FOXK1: variants seen among roughly 807,000 people sequenced by gnomAD.
FOXK1 encodes the protein forkhead box protein K1.
In FOXK1, 19 loss-of-function variants were observed where a neutral mutation model predicts 51.9. The observed-to-expected ratio is 0.37, with a 90% CI of 0.26 to 0.54. The LOEUF (loss-of-function observed/expected upper bound fraction) is 0.54, where lower values mean the gene tolerates loss of function less well. Ranked by LOEUF, FOXK1 falls within the 20% of genes least tolerant of loss-of-function variation. FOXK1 has a pLI of 0.87. For missense variants in FOXK1, 870 were observed against 1,032.7 expected, an observed-to-expected ratio of 0.84 and a Z score of 2.16; for synonymous variants, 537 against 482.6, an observed-to-expected ratio of 1.11 and a Z score of -1.48.
At chr7:4,702,893 T>G (rs1326948219) in intron 1 of FOXK1, among the ~76,000 whole-genome samples, 1 of 152,158 alleles carries the variant, frequency 6.6e-6, no homozygotes, top group African/African-American at 2.4e-5. Flanking sequence ...CTTGTGTCCC[T>G]CTGGGTGACA....
chr7:4,739,833 C>T (rs577739992), intron 1 of FOXK1, among the ~76,000 whole-genome samples: 18 of 152,314 alleles, frequency 1.2e-4, no homozygotes, highest in African/African-American at 4.3e-4. Flanking sequence ...CGTGCTATTT[C>T]AGTCTTCCAG....
chr7:4,751,155 C>T (rs1442887983), intron 2 of FOXK1, among the ~76,000 whole-genome samples: 1 of 151,634 alleles, frequency 6.6e-6, no homozygotes, highest in Non-Finnish European at 1.5e-5. Flanking sequence ...GCTGGTACTA[C>T]AGGCACCTGC....
At chr7:4,759,635 G>T (rs1007087610) in intron 7 of FOXK1, 40 bp downstream of exon 7, 57 of 1,510,046 alleles carry the variant, frequency 3.8e-5, no homozygotes, top group Non-Finnish European at 4.9e-5. Context: ...AGGACCCTTT[G>T]TGGTGGTCCC....
In FOXK1 at chr7:4,753,891, C is replaced by T. The variant is rs1417048667; in HGVS notation, c.747-568C>T. ...GGGGATGAGGGCAGGGGCATCTCAG[C>T]GGCTCAGGGCAAAACTGCAGGGGTC... On this transcript the variant is annotated intron_variant, in intron 2 of 8. Transcript: ENST00000328914. The surrounding 1 kb of genome is among the most constrained non-coding windows in gnomAD (Gnocchi z 4.9). Among the ~76,000 whole-genome samples, 1 of 152,160 alleles carries T rather than the reference C, an allele frequency of 6.6e-6. No individual in the cohort carries two copies. Among genetic ancestry groups the T allele is most frequent in the Admixed American group, 6.5e-5 (1 of 15,278 alleles).
At chr7:4,687,379 G>A (rs1413837153) in intron 1 of FOXK1, among the ~76,000 whole-genome samples, 3 of 151,676 alleles carry the variant, frequency 2.0e-5, no homozygotes, top group South Asian at 2.1e-4. Flanking sequence ...TGAAACCTCC[G>A]CCTCCCAGGT....
In FOXK1 at chr7:4,764,722, C is replaced by T. The variant is rs977096361; in HGVS notation, c.*2258C>T. On this transcript the variant is annotated 3_prime_UTR_variant, in exon 9 of 9. Coordinates refer to ENST00000328914, the MANE Select transcript of FOXK1 (RefSeq NM_001037165.2). ...GTCCTCAGGGCTGCCTGTGGCCACCCTGATGGGAGACCTCTGTTTGCTTCT... is the reference window on the plus strand; with the variant it reads ...GTCCTCAGGGCTGCCTGTGGCCACCTTGATGGGAGACCTCTGTTTGCTTCT... The T allele has an allele frequency of 6.6e-6, 1 of 152,292 alleles. No individual in the cohort carries two copies. Among genetic ancestry groups the T allele is most frequent in the Non-Finnish European group, 1.5e-5 (1 of 68,112 alleles). 9.4% of individuals were successfully genotyped at this position (152,292 alleles called of 1,614,324 possible).
At chr7:4,697,347 C>T (rs928219950) in intron 1 of FOXK1, among the ~76,000 whole-genome samples, 7 of 152,228 alleles carry the variant, frequency 4.6e-5, no homozygotes, top group Non-Finnish European at 8.8e-5. Flanking sequence ...CCGGTATTCA[C>T]GGCCAACTTT....
rs1781083906 is a variant in FOXK1 at position 4,770,547 on chromosome 7, T to G, written c.*8083T>G. 6.6e-6 allele frequency: 1 copy of G among 151,634 alleles called. No individual in the cohort carries two copies. The highest frequency in any genetic ancestry group is 1.5e-5 in the Non-Finnish European group (1 of 67,990). The allele number at this position is 151,634 out of a possible 1,614,324, so 9.4% of individuals were successfully genotyped here. A position where few individuals can be genotyped will look rare whatever the true frequency, so the allele number is the denominator to read the frequency against. ...CTCTGTCTCAAAAATAATAATCAAA[T>G]CAAGTATTTTAAGTTTGGCTCTTCT... On this transcript the variant is annotated 3_prime_UTR_variant, in exon 9 of 9. Coordinates refer to ENST00000328914, the MANE Select transcript of FOXK1 (RefSeq NM_001037165.2).
chr7:4,736,738 G>A (rs1780557642), intron 1 of FOXK1, among the ~76,000 whole-genome samples: 1 of 152,216 alleles, frequency 6.6e-6, no homozygotes, highest in Non-Finnish European at 1.5e-5. Flanking sequence ...GAACTGGAAA[G>A]CACCTTTGAG....
chr7:4,698,332 C>G (rs1327410207), intron 1 of FOXK1, among the ~76,000 whole-genome samples: 1 of 149,214 alleles, frequency 6.7e-6, no homozygotes, highest in Non-Finnish European at 1.5e-5. Flanking sequence ...ATATATATAT[C>G]GTGCCCTTTT....
intron 1 of FOXK1, among the ~76,000 whole-genome samples, chr7:4,736,020 G>C (rs1057014405): frequency 6.6e-6 from 1 of 152,080 alleles, no homozygotes; most frequent in African/African-American, 2.4e-5. Context: ...TCTGTGGCGC[G>C]TGCCTGTAAT....
At chr7:4,701,155 C>G (rs1000997356) in intron 1 of FOXK1, among the ~76,000 whole-genome samples, 3 of 152,328 alleles carry the variant, frequency 2.0e-5, no homozygotes, top group African/African-American at 4.8e-5. Flanking sequence ...TCCAAGCTCC[C>G]TGCGGCTGTG....
chr7:4,753,533 G>A lies in FOXK1; in HGVS notation c.747-926G>A, dbSNP rs1429537184. Among the ~76,000 whole-genome samples the A allele has an allele frequency of 6.6e-6, 1 of 152,172 alleles. No individual in the cohort carries two copies. Among genetic ancestry groups the A allele is most frequent in the Non-Finnish European group, 1.5e-5 (1 of 68,024 alleles). On this transcript the variant is annotated intron_variant, in intron 2 of 8. Transcript: ENST00000328914. The surrounding 1 kb of genome is among the most constrained non-coding windows in gnomAD (Gnocchi z 4.9). ...GGGGGGATGTCAGCATCACAGGTGG[G>A]CAGGGTCCATCTCAGGACGGGGCTA...
Position 4,735,507 on chromosome 7 carries a change from C to T in FOXK1, c.561-5331C>T, listed in dbSNP as rs973863230. Reference sequence around the variant, plus strand: ...CCCCTAGCTCTTAGTCATTCTCCGTCCCCCCTGCCTGTCCCACCCGTCACT... The same window carrying T: ...CCCCTAGCTCTTAGTCATTCTCCGTTCCCCCTGCCTGTCCCACCCGTCACT... On this transcript the variant is annotated intron_variant, in intron 1 of 8. Coordinates refer to ENST00000328914, the MANE Select transcript of FOXK1 (RefSeq NM_001037165.2). This position sits in a 1 kb window ranked among gnomAD's most constrained non-coding sequence, Gnocchi z 4.7. Among the ~76,000 whole-genome samples the T allele has an allele frequency of 2.6e-5, 4 of 152,176 alleles. No homozygotes were observed. Among genetic ancestry groups the T allele is most frequent in the African/African-American group, 4.8e-5 (2 of 41,442 alleles).
rs561335400 is a variant in FOXK1, at chr7:4,734,708, G to A, written c.561-6130G>A. Among the ~76,000 whole-genome samples the A allele has an allele frequency of 1.3e-5, 2 of 152,126 alleles. No individual in the cohort carries two copies. Among genetic ancestry groups the A allele is most frequent in the Non-Finnish European group, 1.5e-5 (1 of 68,022 alleles). On this transcript the variant is annotated intron_variant, in intron 1 of 8. Coordinates refer to ENST00000328914, the MANE Select transcript of FOXK1 (RefSeq NM_001037165.2). This position sits in a 1 kb window ranked among gnomAD's most constrained non-coding sequence, Gnocchi z 5.2. The stretch of plus-strand genomic sequence containing the variant: ...AGCTGGGCTCAGCTCTGGAAGCTTG[G>A]GGGGCTGAGAGCCTCTGGTCCTCCT...
intron 1 of FOXK1, among the ~76,000 whole-genome samples, chr7:4,727,230 G>A (rs1411774562): frequency 3.3e-5 from 5 of 152,192 alleles, no homozygotes; most frequent in African/African-American, 9.7e-5. Context: ...GGGATTACAG[G>A]CGTGAGCCAC....
rs1461587776 is a variant in FOXK1, at chr7:4,722,123, T to TG, written c.561-18712dup. Among the ~76,000 whole-genome samples the TG allele has an allele frequency of 6.6e-6, 1 of 152,106 alleles. No individual in the cohort carries two copies. Among genetic ancestry groups the TG allele is most frequent in the Non-Finnish European group, 1.5e-5 (1 of 68,018 alleles). On this transcript the variant is annotated intron_variant, in intron 1 of 8. Coordinates refer to ENST00000328914, the MANE Select transcript of FOXK1 (RefSeq NM_001037165.2). This position sits in a 1 kb window ranked among gnomAD's most constrained non-coding sequence, Gnocchi z 5.1. ...AGAGGAGGGGACTTTGGTGGGGCCT[T>TG]GGGCTCTTGGTCACATCCTGCCCTG... is the stretch of plus-strand genomic sequence containing the variant.
At position 4,763,380 on chromosome 7, in the gene FOXK1, G is replaced by C. The variant is rs910617310; in HGVS notation, c.*916G>C. On this transcript the variant is annotated 3_prime_UTR_variant, in exon 9 of 9. Coordinates refer to ENST00000328914, the MANE Select transcript of FOXK1 (RefSeq NM_001037165.2). ...GAATTATCCGTGGCTCCGATGTCCC[G>C]GTGCTGACGGCCACATGGGGACCTA... The C allele has an allele frequency of 6.6e-6, 1 of 152,318 alleles. No homozygotes were observed. The highest frequency in any genetic ancestry group is 1.9e-4 in the East Asian group (1 of 5,196). 9.4% of individuals were successfully genotyped at this position (152,318 alleles called of 1,614,324 possible).
Position 4,759,582 on chromosome 7 carries a change from C to T in FOXK1, c.1683C>T (p.Gly561=). The change falls in exon 7 of 9, where the codon GGC becomes GGT. Residue 561 remains glycine, a synonymous_variant. Transcript: ENST00000328914. ...DAAGAAVLDL[G]SEARGLEEKP... ...CGGGCGCAGCCGTGCTGGACCTGGGCAGCGAGGCCAGAGGTAATGCAGCCG... is the reference window on the plus strand; with the variant it reads ...CGGGCGCAGCCGTGCTGGACCTGGGTAGCGAGGCCAGAGGTAATGCAGCCG... 1.3e-6 allele frequency: 2 copies of T among 1,536,576 alleles called. No individual in the cohort carries two copies. Among genetic ancestry groups the T allele is most frequent in the South Asian group, 1.2e-5 (1 of 84,054 alleles).
Sources: allele counts gnomAD v4.1 joint callset (sites outside exome capture counted in the v4.1 genomes callset), GRCh38; gene constraint gnomAD v4.1.1; non-coding constraint Gnocchi (gnomAD v3.1); transcripts MANE v1.5; gene names NCBI Gene and HGNC (gene_info 2026-07-23, HGNC 2026-07-21).